The following CENPE variants were observed in gnomAD, a reference collection of about 807,000 sequenced individuals.
CENPE encodes centromere-associated protein E.
Under a neutral mutation model 336.1 loss-of-function variants are expected in CENPE, and 145 were observed. That is an observed-to-expected ratio of 0.43 (90% CI 0.38 to 0.50). The LOEUF is 0.50. Among genes scored for constraint, CENPE ranks in the 20% least tolerant of loss-of-function variants. The pLI is 0.00. For synonymous variants in CENPE, 1,013 were observed against 984.8 expected (o/e 1.03, Z -0.54); for missense variants, 2,719 against 3,023.3 (o/e 0.90, Z 2.36).
At chr4:103,133,322 A>G (rs953942860) in intron 41 of CENPE, among the ~76,000 whole-genome samples, 3 of 152,192 alleles carry the variant, frequency 2.0e-5, no homozygotes, top group Non-Finnish European at 4.4e-5. Flanking sequence ...CTGGAATTAC[A>G]GGCATGCCAC....
Position 103,143,233 on chromosome 4 carries a change from TTAAAAA to T in CENPE, c.5304+9_5304+14del. 6.4e-7 allele frequency: 1 copy of T among 1,558,350 alleles called. No homozygotes were observed. The highest frequency in any genetic ancestry group is 8.7e-7 in the Non-Finnish European group (1 of 1,152,216). On this transcript the variant is annotated intron_variant, in intron 34 of 48. Coordinates refer to ENST00000265148, the MANE Select transcript of CENPE (RefSeq NM_001813.3). ...TCAAACTCTCAGTAACTGAGATAAC[TTAAAAA>T]TAAAATACCTGTGCTTTTAAGGCAT...
At chr4:103,141,169 AATTG>A (rs1295571154) in intron 35 of CENPE, 65 bp from the exon 36 acceptor site, 2 of 947,152 alleles carry the variant, frequency 2.1e-6, no homozygotes, top group African/African-American at 1.7e-5. Flanking sequence ...ATAGTTTCTA[AATTG>A]ATTAAGACAA....
Position 103,196,036 on chromosome 4 carries a change from T to C in CENPE, c.241A>G (p.Thr81Ala), listed in dbSNP as rs767332518. 1.2e-6 allele frequency: 2 copies of C among 1,609,846 alleles called. No homozygotes were observed. Among genetic ancestry groups the C allele is most frequent in the South Asian group, 2.2e-5 (2 of 90,992 alleles). The change falls in exon 4 of 49, where the codon ACT becomes GCT. Residue 81 changes from threonine (T) to alanine (A), a missense_variant and splice_region_variant. By Grantham distance (58) the Thr-to-Ala change is moderately conservative (BLOSUM62 0). Coordinates refer to ENST00000265148, the MANE Select transcript of CENPE (RefSeq NM_001813.3). Reference protein sequence around the residue: ...IDSAIQGYNGTIFAYGQTASG... With the variant: ...IDSAIQGYNGAIFAYGQTASG... ...GCAGTCTGTCCATAGGCAAATATAG[T>C]ACCTGCAAAAAACAAAACACACATA...
intron 42 of CENPE, among the ~76,000 whole-genome samples, chr4:103,130,625 G>A (rs993658134): frequency 1.3e-5 from 2 of 152,036 alleles, no homozygotes; most frequent in Non-Finnish European, 2.9e-5. Flanking sequence ...CAAAACCATA[G>A]GAAGTTATTC....
At chr4:103,185,343 T>G (rs1042351502) in intron 9 of CENPE, among the ~76,000 whole-genome samples, 4 of 151,862 alleles carry the variant, frequency 2.6e-5, no homozygotes, top group Non-Finnish European at 2.9e-5. Context: ...TATATCAGTC[T>G]TGTACAAATC....
intron 29 of CENPE, among the ~76,000 whole-genome samples, chr4:103,146,389 T>C (rs1317364794): frequency 6.6e-6 from 1 of 152,224 alleles, no homozygotes; most frequent in African/African-American, 2.4e-5. Context: ...CAAAGATAGA[T>C]ATGATGTTGA....
intron 28 of CENPE, 51 bp from the exon 29 acceptor site, chr4:103,147,697 A>AT: frequency 1.3e-6 from 2 of 1,522,578 alleles, no homozygotes; most frequent in Admixed American, 2.1e-5. Flanking sequence ...TTATGATCAT[A>AT]ATTTTTTTTT....
Position 103,140,422 on chromosome 4 carries a change from G to T in CENPE, c.5755-8C>A, listed in dbSNP as rs776346652. On this transcript the variant is annotated splice_region_variant and splice_polypyrimidine_tract_variant and intron_variant, in intron 36 of 48. Transcript: ENST00000265148. ...CTGTTGTATTTCCAGATCCTTTATG[G>T]TTAGAAGAAATCAAGAAATGTAATG... 9.1e-6 allele frequency: 14 copies of T among 1,546,386 alleles called. No homozygotes were observed. The highest frequency in any genetic ancestry group is 1.2e-5 in the Non-Finnish European group (14 of 1,148,146).
Position 103,140,267 on chromosome 4 carries a change from A to G in CENPE, c.5902T>C (p.Leu1968=), listed in dbSNP as rs1397354294. 1 of 1,590,562 alleles carries G rather than the reference A, an allele frequency of 6.3e-7. No individual in the cohort carries two copies. Among genetic ancestry groups the G allele is most frequent in the Non-Finnish European group, 8.5e-7 (1 of 1,172,692 alleles). The change falls in exon 37 of 49, where the codon TTA becomes CTA. Residue 1968 remains leucine (L), a synonymous_variant. Coordinates refer to ENST00000265148, the MANE Select transcript of CENPE (RefSeq NM_001813.3). Reference sequence around the variant, plus strand: ...AAAACAACACATACCTTTTTCTGTAATTCATCTTTTGATTTATCTAAATCC... The same window carrying G: ...AAAACAACACATACCTTTTTCTGTAGTTCATCTTTTGATTTATCTAAATCC... The part of the protein sequence containing the change: ...QKDLDKSKDE[L]QKKIQELQKK...
chr4:103,197,146 A>G (rs1208289571), intron 1 of CENPE, among the ~76,000 whole-genome samples: 1 of 152,122 alleles, frequency 6.6e-6, no homozygotes, highest in Non-Finnish European at 1.5e-5. Context: ...AATTCTTAAA[A>G]CCTTTTGGAA....
At chr4:103,185,408 T>C (rs1164028458) in intron 9 of CENPE, among the ~76,000 whole-genome samples, 1 of 152,056 alleles carries the variant, frequency 6.6e-6, no homozygotes, top group South Asian at 2.1e-4. Flanking sequence ...AAATGGAGTC[T>C]TTTTGTCTAC....
chr4:103,181,424 A>C lies in CENPE; in HGVS notation c.996T>G (p.Thr332=). The C allele has an allele frequency of 6.4e-7, 1 of 1,573,616 alleles. No individual in the cohort carries two copies. Among genetic ancestry groups the C allele is most frequent in the Non-Finnish European group, 8.6e-7 (1 of 1,161,684 alleles). Residue 332 remains threonine, a synonymous_variant, in exon 12 of 49, where the codon ACT becomes ACG. Transcript: ENST00000265148. ...CAGTTGATACCTCATTAACATAAGG[A>C]GTATTCTTCATATATTTAGCAGTAC... ...FASTAKYMKN[T]PYVNEVSTDE...
intron 45 of CENPE, among the ~76,000 whole-genome samples, chr4:103,115,140 T>TC (rs1749972498): frequency 7.5e-6 from 1 of 134,182 alleles, no homozygotes; most frequent in African/African-American, 3.1e-5. Context: ...TTTTCTTTTC[T>TC]TTTTTTTTTT....
chr4:103,147,695 A>G, intron 28 of CENPE, 49 bp from the exon 29 acceptor site: 3 of 1,530,610 alleles, frequency 2.0e-6, no homozygotes, highest in Non-Finnish European at 2.6e-6. Flanking sequence ...GATTATGATC[A>G]TAATTTTTTT....
Position 103,151,164 on chromosome 4 carries a change from C to CA in CENPE, c.3396+54dup, listed in dbSNP as rs200208602. 1.4e-3 allele frequency: 2,105 copies of CA among 1,489,592 alleles called. 1 individual carries two copies. The highest frequency in any genetic ancestry group is 3.3e-3 in the Middle Eastern group (19 of 5,692). 92.3% of individuals were successfully genotyped at this position (1,489,592 alleles called of 1,614,324 possible). A position where few individuals can be genotyped will look rare whatever the true frequency, so the allele number is the denominator to read the frequency against. On this transcript the variant is annotated intron_variant, in intron 26 of 48. Transcript: ENST00000265148. ...TTAGGTCTACAGAAATAAAAATTAC[C>CA]AAAAAAAAAGTTTAGTTAGAAAAAA...
intron 47 of CENPE, among the ~76,000 whole-genome samples, chr4:103,109,955 T>C (rs1445799170): frequency 1.3e-5 from 2 of 152,204 alleles, no homozygotes; most frequent in Non-Finnish European, 2.9e-5. Flanking sequence ...CTCTACATTC[T>C]GGCCACACTG....
At chr4:103,123,112 T>C (rs1750783807) in intron 42 of CENPE, 23 bp from the exon 43 acceptor site, 1 of 1,567,808 alleles carries the variant, frequency 6.4e-7, no homozygotes, top group East Asian at 2.2e-5. Flanking sequence ...AAAATACCAT[T>C]ATAGCTCTAA....
chr4:103,132,222 G>A (rs1299955244), intron 42 of CENPE, among the ~76,000 whole-genome samples: 1 of 152,004 alleles, frequency 6.6e-6, no homozygotes, highest in African/African-American at 2.4e-5. Flanking sequence ...AGAACTCTCT[G>A]TACTTTCTGC....
At chr4:103,132,096 C>T (rs182044076) in intron 42 of CENPE, among the ~76,000 whole-genome samples, 10 of 152,176 alleles carry the variant, frequency 6.6e-5, no homozygotes, top group East Asian at 1.9e-4. Flanking sequence ...ATGTAAGCTA[C>T]GGACTCTCTT....
Sources: allele counts gnomAD v4.1 joint callset (sites outside exome capture counted in the v4.1 genomes callset), GRCh38; gene constraint gnomAD v4.1.1; transcripts MANE v1.5; gene names NCBI Gene and HGNC (gene_info 2026-07-23, HGNC 2026-07-21).